The following STX7 variants were observed in gnomAD, a reference collection of about 807,000 sequenced individuals.
STX7 encodes the protein syntaxin 7, also known as syntaxin-7.
A neutral mutation model predicts 39.6 loss-of-function variants in STX7; 34 were observed. The observed-to-expected ratio is 0.86, with a 90% confidence interval of 0.65 to 1.14. STX7 has a LOEUF of 1.14. Among genes scored for constraint, STX7 ranks in the 50% most tolerant of loss-of-function variants. The probability of loss-of-function intolerance (pLI) is 0.00; values close to 1 mark genes in which losing one functional copy is unlikely to be tolerated. For synonymous variants in STX7, 119 were observed against 99.1 expected (o/e 1.20, Z -1.19); for missense variants, 284 against 310.4 (o/e 0.92, Z 0.64).
intron 1 of STX7, among the ~76,000 whole-genome samples, chr6:132,505,364 T>C (rs1775671996): frequency 6.6e-6 from 1 of 152,200 alleles, no homozygotes; most frequent in South Asian, 2.1e-4. Flanking sequence ...AGCTGAACTG[T>C]TGAGACCATT....
At chr6:132,497,894 T>C (rs1775455228) in intron 2 of STX7, among the ~76,000 whole-genome samples, 1 of 152,238 alleles carries the variant, frequency 6.6e-6, no homozygotes, top group South Asian at 2.1e-4. Flanking sequence ...AATCCAAAGT[T>C]TGAAAACTAA....
At position 132,448,477 on chromosome 6, in the gene STX7, T is replaced by C. The variant is rs551023894; in HGVS notation, c.*12281A>G. The C allele has an allele frequency of 6.6e-6, 1 of 152,268 alleles. No homozygotes were observed. Among genetic ancestry groups the C allele is most frequent in the African/African-American group, 2.4e-5 (1 of 41,568 alleles). 9.4% of individuals were successfully genotyped at this position (152,268 alleles called of 1,614,324 possible). On this transcript the variant is annotated 3_prime_UTR_variant, in exon 10 of 10. Coordinates refer to ENST00000367941, the MANE Select transcript of STX7 (RefSeq NM_003569.3). ...TTCACTGGGCACTCATTCTATTGAG[T>C]TATTCTCTCAGTACCTTAATGATGT...
chr6:132,488,292 T>A (rs894934089), intron 2 of STX7, among the ~76,000 whole-genome samples: 2 of 152,224 alleles, frequency 1.3e-5, no homozygotes, highest in African/African-American at 4.8e-5. Context: ...AACTCTTGAT[T>A]AATGACAGGA....
At chr6:132,462,582 G>GGGTGTGT (rs1211715935) in intron 9 of STX7, among the ~76,000 whole-genome samples, 4 of 144,896 alleles carry the variant, frequency 2.8e-5, no homozygotes, top group Non-Finnish European at 1.5e-5. Context: ...CATTTGCAGG[G>GGGTGTGT]GTGTGTGTGT....
chr6:132,482,973 A>T (rs1165530005), intron 2 of STX7, among the ~76,000 whole-genome samples: 1 of 151,724 alleles, frequency 6.6e-6, no homozygotes, highest in East Asian at 1.9e-4. Context: ...GGGTTAACAA[A>T]AAAGAAAAAA....
At chr6:132,488,348 G>GT (rs1562333048) in intron 2 of STX7, among the ~76,000 whole-genome samples, 1 of 152,182 alleles carries the variant, frequency 6.6e-6, no homozygotes, top group African/African-American at 2.4e-5. Flanking sequence ...TGAGAAAAAC[G>GT]TGTGTTCTGC....
At chr6:132,475,781 A>AGACTTTGTTTTCC in intron 2 of STX7, 119 bp from the exon 3 acceptor site, 1 of 395,166 alleles carries the variant, frequency 2.5e-6, no homozygotes. Flanking sequence ...ACAAAGATGA[A>AGACTTTGTTTTCC]AATAGAAAAT....
rs1383897323 is a variant in STX7, at chr6:132,471,545, G to A, written c.305C>T (p.Thr102Ile). 1.2e-6 allele frequency: 2 copies of A among 1,613,884 alleles called. No individual in the cohort carries two copies. The highest frequency in any genetic ancestry group is 1.7e-6 in the Non-Finnish European group (2 of 1,179,918). The change falls in exon 5 of 10, where the codon ACA becomes ATA. Residue 102 changes from threonine to isoleucine, a missense_variant. Physicochemically the swap from Thr to Ile is moderately conservative, Grantham distance 89 (BLOSUM62 -1). Coordinates refer to ENST00000367941, the MANE Select transcript of STX7 (RefSeq NM_003569.3). ...RLVAEFTTSL[T>I]NFQKVQRQAA... The stretch of plus-strand genomic sequence containing the variant: ...CTGCCTCTGGACCTTCTGGAAGTTT[G>A]TCAGTGATGTTGTGAACTCTGCCAC...
rs73549937 is a variant in STX7 at position 132,460,990 on chromosome 6, G to T, written c.694-140C>A. On this transcript the variant is annotated intron_variant, in intron 9 of 9. Coordinates refer to ENST00000367941, the MANE Select transcript of STX7 (RefSeq NM_003569.3). ...ATATTGCCCTCAAATTTTTGACTGT[G>T]TTTTTTTGTTCCTCAAAAATCTCTT... 665 of 633,566 alleles carry T rather than the reference G, an allele frequency of 1.0e-3. 4 individuals carry two copies. The highest frequency in any genetic ancestry group is 0.01 in the African/African-American group (559 of 53,742). The allele number at this position is 633,566 out of a possible 1,614,324, so 39.2% of individuals were successfully genotyped here. A position where few individuals can be genotyped will look rare whatever the true frequency, so the allele number is the denominator to read the frequency against.
chr6:132,468,357 C>T lies in STX7; in HGVS notation c.610+46G>A, dbSNP rs144932960. 12 of 1,414,334 alleles carry T rather than the reference C, an allele frequency of 8.5e-6. No homozygotes were observed. The East Asian group carries it at 2.7e-4, about 32-fold the overall frequency. 87.6% of individuals were successfully genotyped at this position (1,414,334 alleles called of 1,614,324 possible). On this transcript the variant is annotated intron_variant, in intron 8 of 9. Transcript: ENST00000367941. ...TGAGAAAGTTACAGCAGGTAAAGTG[C>T]ATGTAGCTTGCTCTCACCTCCAAAA...
intron 2 of STX7, among the ~76,000 whole-genome samples, chr6:132,490,808 C>G (rs1315030979): frequency 1.3e-5 from 2 of 152,070 alleles, no homozygotes; most frequent in Non-Finnish European, 2.9e-5. Context: ...GGCTGCCGAC[C>G]CTACTCAAAA....
At position 132,460,791 on chromosome 6, in the gene STX7, A is replaced by C. The variant is rs746519125; in HGVS notation, c.753T>G (p.Ile251Met). 6.2e-7 allele frequency: 1 copy of C among 1,613,614 alleles called. No individual in the cohort carries two copies. Among genetic ancestry groups the C allele is most frequent in the Admixed American group, 1.7e-5 (1 of 59,988 alleles). ...IILILVIGVA[I>M]ISLIIWGLNH ...TCAATCCCCATATGATGAGACTGAT[A>C]ATCGCAACTCCAATGACAAGGATAA... is the stretch of plus-strand genomic sequence containing the variant. The change falls in exon 10 of 10, where the codon ATT becomes ATG. Residue 251 changes from isoleucine (I) to methionine (M), a missense_variant. Physicochemically the swap from Ile to Met is conservative, Grantham distance 10. Coordinates refer to ENST00000367941, the MANE Select transcript of STX7 (RefSeq NM_003569.3).
chr6:132,461,441 G>A (rs1047053493), intron 9 of STX7, among the ~76,000 whole-genome samples: 3 of 152,006 alleles, frequency 2.0e-5, no homozygotes, highest in African/African-American at 7.3e-5. Context: ...CAAGTAGCTG[G>A]GATTACAGGC....
At position 132,470,593 on chromosome 6, in the gene STX7, T is replaced by G. The variant is rs1374301510; in HGVS notation, c.421A>C (p.Asn141His). 1 of 1,607,800 alleles carries G rather than the reference T, an allele frequency of 6.2e-7. No homozygotes were observed. Among genetic ancestry groups the G allele is most frequent in the South Asian group, 1.1e-5 (1 of 90,364 alleles). The change falls in exon 6 of 10, where the codon AAT (asparagine) becomes CAT (histidine). Residue 141 changes from asparagine (N) to histidine (H), a missense_variant. Transcript: ENST00000367941. ...TCTTACCTTTCCCAGGATACAAGATTCCTTTCTTTTGAGCTGTCCTCAGGA... is the reference window on the plus strand; with the variant it reads ...TCTTACCTTTCCCAGGATACAAGATGCCTTTCTTTTGAGCTGTCCTCAGGA... ...SFPEDSSKER[N>H]LVSWESQTQP...
chr6:132,507,027 A>G (rs1775720592), intron 1 of STX7, among the ~76,000 whole-genome samples: 1 of 152,242 alleles, frequency 6.6e-6, no homozygotes, highest in African/African-American at 2.4e-5. Flanking sequence ...ACTGGAGGCC[A>G]TTATCTTAAG....
chr6:132,485,531 T>C (rs1232816152), intron 2 of STX7, among the ~76,000 whole-genome samples: 4 of 152,204 alleles, frequency 2.6e-5, no homozygotes, highest in South Asian at 4.1e-4. Flanking sequence ...TGTGGATAAA[T>C]AGAAGTAGAA....
chr6:132,504,286 A>G (rs1161665415), intron 1 of STX7, among the ~76,000 whole-genome samples: 1 of 152,210 alleles, frequency 6.6e-6, no homozygotes, highest in Non-Finnish European at 1.5e-5. Context: ...CAAATGTCAT[A>G]TAAAATGTTT....
intron 2 of STX7, among the ~76,000 whole-genome samples, chr6:132,485,808 T>C (rs969490811): frequency 1.4e-4 from 22 of 152,242 alleles, no homozygotes; most frequent in African/African-American, 5.1e-4. Flanking sequence ...TCTTCTTTGT[T>C]GAAGTGTCTG....
intron 1 of STX7, 106 bp downstream of exon 1, chr6:132,512,901 C>G (rs544185369): frequency 6.6e-6 from 1 of 152,272 alleles, no homozygotes; most frequent in Non-Finnish European, 1.5e-5. Context: ...GAGCGCAGGG[C>G]GGCGGCCACC....
Sources: allele counts gnomAD v4.1 joint callset (sites outside exome capture counted in the v4.1 genomes callset), GRCh38; gene constraint gnomAD v4.1.1; transcripts MANE v1.5; gene names NCBI Gene and HGNC (gene_info 2026-07-23, HGNC 2026-07-21).